The following PSD3 variants were observed in gnomAD, a reference collection of about 807,000 sequenced individuals.
The protein encoded by PSD3 is pleckstrin and Sec7 domain containing 3, also known as PH and SEC7 domain-containing protein 3.
In PSD3, 49 loss-of-function variants were observed where a neutral mutation model predicts 105.5. The ratio of observed to expected loss-of-function variants is 0.46; its 90% CI spans 0.37 to 0.59. PSD3 has a LOEUF of 0.59. Among genes scored for constraint, PSD3 ranks in the 20% least tolerant of loss-of-function variants. PSD3 has a pLI of 0.00. For missense variants in PSD3, 1,561 were observed against 1,263.8 expected, an observed-to-expected ratio of 1.24 and a Z score of -3.57; for synonymous variants, 557 against 457.8, an observed-to-expected ratio of 1.22 and a Z score of -2.77.
chr8:18,614,340 T>TCCC lies in PSD3; in HGVS notation c.2411-13909_2411-13907dup, dbSNP rs150517140. ...GAGCAGATTAACCCCTTCTCCCCCA[T>TCCC]CCCCCCCCCAAAAAAATCAGATGTC... On this transcript the variant is annotated intron_variant, in intron 11 of 15. Coordinates refer to ENST00000327040, the MANE Select transcript of PSD3 (RefSeq NM_015310.4). 5.5e-3 allele frequency among the ~76,000 whole-genome samples: 515 copies of TCCC among 93,612 alleles called. 4 individuals are homozygous for TCCC. Among genetic ancestry groups the TCCC allele is most frequent in the African/African-American group, 0.018 (462 of 26,078 alleles). 61.4% of individuals were successfully genotyped at this position (93,612 alleles called of 152,430 possible).
chr8:18,815,382 C>A (rs898572869), intron 4 of PSD3, among the ~76,000 whole-genome samples: 1 of 152,090 alleles, frequency 6.6e-6, no homozygotes, highest in African/African-American at 2.4e-5. Context: ...GATTTCGGCT[C>A]ACTGCAATCT....
At chr8:18,625,783 A>C (rs1806432048) in intron 11 of PSD3, among the ~76,000 whole-genome samples, 2 of 152,172 alleles carry the variant, frequency 1.3e-5, no homozygotes, top group Admixed American at 1.3e-4. Flanking sequence ...GTATAAAATG[A>C]GGACAATAAT....
chr8:18,949,375 C>T (rs7015580), intron 1 of PSD3, among the ~76,000 whole-genome samples: 55,318 of 143,746 alleles, frequency 0.38, 10,877 homozygotes, highest in Non-Finnish European at 0.41. Flanking sequence ...TTTACCCAAC[C>T]TACATGCATG....
chr8:18,855,463 A>T (rs1309807596), intron 4 of PSD3, among the ~76,000 whole-genome samples: 1 of 152,232 alleles, frequency 6.6e-6, no homozygotes. Flanking sequence ...CACATAATGA[A>T]TACTATACAG....
chr8:18,976,402 G>A (rs1824946570), intron 1 of PSD3, among the ~76,000 whole-genome samples: 1 of 152,168 alleles, frequency 6.6e-6, no homozygotes, highest in Non-Finnish European at 1.5e-5. Context: ...GAAAGGTACA[G>A]TGACACAGGC....
chr8:19,060,587 T>A (rs542305219), intron 1 of PSD3, among the ~76,000 whole-genome samples: 395 of 152,248 alleles, frequency 2.6e-3, no homozygotes, highest in African/African-American at 9.3e-3. Context: ...TGAGCCATGA[T>A]TGCACCACTG....
At chr8:18,882,266 C>A (rs1818154496) in intron 2 of PSD3, among the ~76,000 whole-genome samples, 1 of 152,088 alleles carries the variant, frequency 6.6e-6, no homozygotes, top group South Asian at 2.1e-4. Context: ...AAGCAGCCTC[C>A]TTAAACATAA....
At chr8:18,857,255 C>G (rs977879200) in intron 4 of PSD3, among the ~76,000 whole-genome samples, 1 of 152,174 alleles carries the variant, frequency 6.6e-6, no homozygotes, top group Non-Finnish European at 1.5e-5. Context: ...TTGCAGTAAA[C>G]GCCTCTCAAA....
chr8:18,846,000 C>T (rs1490898716), intron 4 of PSD3, among the ~76,000 whole-genome samples: 2 of 152,184 alleles, frequency 1.3e-5, no homozygotes, highest in Non-Finnish European at 2.9e-5. Context: ...CGAAAGCATT[C>T]CACTCTCTGG....
At chr8:18,758,907 A>C (rs1356962739) in intron 9 of PSD3, among the ~76,000 whole-genome samples, 1 of 152,106 alleles carries the variant, frequency 6.6e-6, no homozygotes, top group Admixed American at 6.5e-5. Context: ...TCCTTTGAGA[A>C]AGCAAGGGAA....
At chr8:19,064,725 T>C (rs568154188) in intron 1 of PSD3, among the ~76,000 whole-genome samples, 3 of 152,236 alleles carry the variant, frequency 2.0e-5, no homozygotes, top group Non-Finnish European at 4.4e-5. Context: ...TATTGCTTCA[T>C]TATTTGGTCT....
chr8:18,576,843 C>G (rs574225016), intron 12 of PSD3, among the ~76,000 whole-genome samples: 1 of 151,260 alleles, frequency 6.6e-6, no homozygotes, highest in African/African-American at 2.4e-5. Flanking sequence ...CCTAACACAC[C>G]TAATGATTGA....
chr8:18,684,204 C>CA (rs1800533151), intron 9 of PSD3: 4 of 195,554 alleles, frequency 2.0e-5, no homozygotes, highest in African/African-American at 7.6e-5. Flanking sequence ...TCTCTCTTTT[C>CA]CACACACACA....
At chr8:18,590,328 C>T (rs181900890) in intron 12 of PSD3, among the ~76,000 whole-genome samples, 1 of 152,194 alleles carries the variant, frequency 6.6e-6, no homozygotes, top group Admixed American at 6.5e-5. Flanking sequence ...GATAGTAAAT[C>T]AAACGGGAGG....
intron 7 of PSD3, among the ~76,000 whole-genome samples, chr8:18,800,444 T>G (rs911216269): frequency 3.9e-5 from 6 of 152,162 alleles, no homozygotes; most frequent in African/African-American, 1.4e-4. Flanking sequence ...CCAGGTTAAC[T>G]GGCAATACTG....
rs545103464 is a variant in PSD3 at position 18,578,713 on chromosome 8, C to G, written c.2482-3428G>C. On this transcript the variant is annotated intron_variant, in intron 12 of 15. Coordinates refer to ENST00000327040, the MANE Select transcript of PSD3 (RefSeq NM_015310.4). ...AAAATCAAGCTCAAAGGATGACATT[C>G]TTATGCTACTCTTAAAAATGCAAAA... is the stretch of plus-strand genomic sequence containing the variant. Among the ~76,000 whole-genome samples the G allele has an allele frequency of 2.7e-5, 4 of 148,528 alleles. No individual in the cohort carries two copies. The South Asian group carries it at 6.5e-4, about 24-fold the overall frequency.
chr8:18,741,216 G>A (rs1804545356), intron 9 of PSD3, among the ~76,000 whole-genome samples: 1 of 152,162 alleles, frequency 6.6e-6, no homozygotes, highest in Non-Finnish European at 1.5e-5. Flanking sequence ...CGAAGCATGT[G>A]ACACATGTAA....
intron 2 of PSD3, among the ~76,000 whole-genome samples, chr8:18,917,024 G>A (rs1264250107): frequency 5.9e-5 from 9 of 152,100 alleles, no homozygotes; most frequent in East Asian, 1.9e-4. Flanking sequence ...CATCTCCTAC[G>A]CAACATGTCC....
At chr8:19,078,902 A>G (rs1829549337) in intron 1 of PSD3, among the ~76,000 whole-genome samples, 1 of 151,572 alleles carries the variant, frequency 6.6e-6, no homozygotes, top group African/African-American at 2.4e-5. Flanking sequence ...CAAGCAGAAG[A>G]TAGCAGAGGA....
Sources: gnomAD v4.1 joint callset for allele counts (sites outside exome capture counted in the v4.1 genomes callset) on GRCh38, gnomAD v4.1.1 for gene constraint, MANE v1.5 for transcripts, NCBI Gene and HGNC (gene_info 2026-07-23, HGNC 2026-07-21) for gene names.